Variants in PPP2R3A observed in about 807,000 individuals in gnomAD.
PPP2R3A encodes the protein serine/threonine-protein phosphatase 2A regulatory subunit B'' subunit alpha.
In PPP2R3A, 80 loss-of-function variants were observed where a neutral mutation model predicts 106.9. The observed-to-expected ratio is 0.75, with a 90% CI of 0.62 to 0.90. The LOEUF is 0.90. Ranked by LOEUF, PPP2R3A falls within the 40% of genes least tolerant of loss-of-function variation. The probability of loss-of-function intolerance (pLI) is 0.00; values close to 1 mark genes in which losing one functional copy is unlikely to be tolerated. For missense variants in PPP2R3A, 1,386 were observed against 1,350.4 expected, an observed-to-expected ratio of 1.03 and a Z score of -0.41; for synonymous variants, 483 against 468.3, an observed-to-expected ratio of 1.03 and a Z score of -0.41.
chr3:136,003,838 A>G (rs1163361657), intron 2 of PPP2R3A, among the ~76,000 whole-genome samples: 2 of 152,218 alleles, frequency 1.3e-5, no homozygotes, highest in East Asian at 3.8e-4. Flanking sequence ...TGTGAAACAT[A>G]AGCAAGGTTC....
At chr3:136,017,684 C>T (rs1934325016) in intron 2 of PPP2R3A, among the ~76,000 whole-genome samples, 1 of 152,124 alleles carries the variant, frequency 6.6e-6, no homozygotes, top group South Asian at 2.1e-4. Context: ...GAGCAAAATC[C>T]TTTGGTGTCA....
rs1299254406 is a variant in PPP2R3A, at chr3:136,082,217, A to G, written c.2632-48A>G. On this transcript the variant is annotated intron_variant, in intron 7 of 13. Coordinates refer to ENST00000264977, the MANE Select transcript of PPP2R3A (RefSeq NM_002718.5). ...TTCGCTAGACTCTGCACAGTGGCCA[A>G]AGCTGCTTTTTCATAATGTTTAAAT... The G allele has an allele frequency of 2.7e-6, 4 of 1,493,062 alleles. No homozygotes were observed. The African/African-American group carries it at 5.6e-5, about 21-fold the overall frequency. The allele number at this position is 1,493,062 out of a possible 1,614,324, so 92.5% of individuals were successfully genotyped here.
chr3:136,129,658 C>T (rs1277373568), intron 13 of PPP2R3A, among the ~76,000 whole-genome samples: 1 of 152,212 alleles, frequency 6.6e-6, no homozygotes, highest in Admixed American at 6.5e-5. Context: ...TCCTTTCTAA[C>T]TCATTTTATG....
intron 5 of PPP2R3A, chr3:136,055,624 T>A: frequency 1.5e-6 from 2 of 1,359,946 alleles, no homozygotes; most frequent in South Asian, 2.4e-5. Context: ...ATTTAACACC[T>A]GCCTGCCAAT....
At chr3:136,078,561 T>G in intron 7 of PPP2R3A, 108 bp downstream of exon 7, 1 of 713,768 alleles carries the variant, frequency 1.4e-6, no homozygotes. Context: ...GTCACTACTT[T>G]CAGTCATTAA....
chr3:136,027,556 T>G (rs1934713973), intron 3 of PPP2R3A, among the ~76,000 whole-genome samples: 1 of 152,168 alleles, frequency 6.6e-6, no homozygotes, highest in African/African-American at 2.4e-5. Context: ...TTTGGAACTT[T>G]CAAATATATC....
intron 8 of PPP2R3A, among the ~76,000 whole-genome samples, chr3:136,087,031 A>T (rs1413024203): frequency 6.6e-6 from 1 of 152,082 alleles, no homozygotes; most frequent in East Asian, 1.9e-4. Context: ...GAGAAACCCC[A>T]TCGCTAATAA....
intron 1 of PPP2R3A, among the ~76,000 whole-genome samples, chr3:135,971,702 C>T (rs1937252115): frequency 6.6e-6 from 1 of 152,108 alleles, no homozygotes; most frequent in South Asian, 2.1e-4. Context: ...TGAAAGCAGA[C>T]CTTGGTCCAA....
chr3:136,046,150 C>T (rs983919665), intron 4 of PPP2R3A, among the ~76,000 whole-genome samples: 3 of 151,828 alleles, frequency 2.0e-5, no homozygotes, highest in East Asian at 3.9e-4. Flanking sequence ...GTACTCCAGC[C>T]TTGGTGACAG....
intron 3 of PPP2R3A, among the ~76,000 whole-genome samples, chr3:136,028,940 C>T (rs1934763365): frequency 6.6e-6 from 1 of 152,128 alleles, no homozygotes; most frequent in Non-Finnish European, 1.5e-5. Flanking sequence ...ACAATCTCCA[C>T]CTCCCAGATT....
intron 8 of PPP2R3A, 56 bp from the exon 9 acceptor site, chr3:136,087,827 C>G: frequency 1.4e-6 from 2 of 1,405,414 alleles, no homozygotes; most frequent in Non-Finnish European, 1.0e-6. Flanking sequence ...AAAAGTATTG[C>G]CTTTATGGAG....
chr3:136,083,340 T>C (rs555786808), intron 8 of PPP2R3A, among the ~76,000 whole-genome samples: 1 of 152,266 alleles, frequency 6.6e-6, no homozygotes, highest in East Asian at 1.9e-4. Flanking sequence ...GTAGTTCTCA[T>C]GATAGTGAAT....
chr3:136,129,365 A>G (rs1460814871), intron 13 of PPP2R3A, among the ~76,000 whole-genome samples: 1 of 152,224 alleles, frequency 6.6e-6, no homozygotes, highest in Non-Finnish European at 1.5e-5. Flanking sequence ...AATACAAACT[A>G]CCATCAGAGA....
intron 4 of PPP2R3A, among the ~76,000 whole-genome samples, chr3:136,044,678 C>T (rs1170440620): frequency 6.6e-6 from 1 of 150,994 alleles, no homozygotes; most frequent in Non-Finnish European, 1.5e-5. Context: ...ATTGAGTAAA[C>T]CAGCATACTT....
intron 13 of PPP2R3A, among the ~76,000 whole-genome samples, chr3:136,124,440 C>T (rs1480344763): frequency 6.6e-6 from 1 of 152,118 alleles, no homozygotes; most frequent in Non-Finnish European, 1.5e-5. Flanking sequence ...CTACGATCCA[C>T]ACCACTGCAC....
At chr3:136,010,389 T>C (rs927862933) in intron 2 of PPP2R3A, among the ~76,000 whole-genome samples, 1 of 144,752 alleles carries the variant, frequency 6.9e-6, no homozygotes, top group Non-Finnish European at 1.5e-5. Context: ...CAGCTGGGAC[T>C]ACAGGCGCAT....
At chr3:136,119,599 T>C (rs1296834910) in intron 13 of PPP2R3A, among the ~76,000 whole-genome samples, 1 of 151,818 alleles carries the variant, frequency 6.6e-6, no homozygotes, top group Non-Finnish European at 1.5e-5. Flanking sequence ...CCAACAAACA[T>C]ATGAAAAAAA....
chr3:136,146,483 T>G lies in PPP2R3A; in HGVS notation c.*1317T>G, dbSNP rs908038184. 1.3e-5 allele frequency: 2 copies of G among 152,180 alleles called. No homozygotes were observed. The highest frequency in any genetic ancestry group is 4.8e-5 in the African/African-American group (2 of 41,434). The allele number at this position is 152,180 out of a possible 1,614,324, so 9.4% of individuals were successfully genotyped here. ...TAAAGGCCAAGCAGTGAAATGAACCTTGGGTTAGAGTTATGGTAGGCAAAA... is the reference window on the plus strand; with the variant it reads ...TAAAGGCCAAGCAGTGAAATGAACCGTGGGTTAGAGTTATGGTAGGCAAAA... On this transcript the variant is annotated 3_prime_UTR_variant, in exon 14 of 14. Transcript: ENST00000264977.
intron 1 of PPP2R3A, among the ~76,000 whole-genome samples, chr3:135,991,266 G>T (rs566770902): frequency 1.1e-3 from 170 of 152,226 alleles, no homozygotes; most frequent in African/African-American, 3.8e-3. Context: ...AAACTGTGTT[G>T]TAAAATACAT....
Sources: allele counts gnomAD v4.1 joint callset (sites outside exome capture counted in the v4.1 genomes callset), GRCh38; gene constraint gnomAD v4.1.1; transcripts MANE v1.5; gene names NCBI Gene and HGNC (gene_info 2026-07-23, HGNC 2026-07-21).